The following IL1RAPL1 variants were observed in gnomAD, a reference collection of about 807,000 sequenced individuals.
IL1RAPL1 encodes interleukin 1 receptor accessory protein like 1.
IL1RAPL1 carries 3 observed loss-of-function variants against 48.4 expected under a neutral mutation model. That is an observed-to-expected ratio of 0.06 (90% CI 0.03 to 0.16). The LOEUF is 0.16. Among genes scored for constraint, IL1RAPL1 ranks in the 10% least tolerant of loss-of-function variants. The probability of loss-of-function intolerance (pLI) is 1.00; values close to 1 mark genes in which losing one functional copy is unlikely to be tolerated. For missense variants in IL1RAPL1, 349 were observed against 530.6 expected (o/e 0.66, Z 3.36); for synonymous variants, 185 against 187.7 (o/e 0.99, Z 0.12).
At chrX:29,284,601 C>T (rs1053129535) in intron 3 of IL1RAPL1, among the ~76,000 whole-genome samples, 1 of 111,164 alleles carries the variant, frequency 9.0e-6, no homozygotes, top group African/African-American at 3.3e-5. Context: ...AAAAATTAGC[C>T]GAGGATGGTG....
intron 3 of IL1RAPL1, among the ~76,000 whole-genome samples, chrX:29,381,501 A>T (rs1399748401): frequency 1.2e-5 from 1 of 80,374 alleles, no homozygotes; most frequent in African/African-American, 4.8e-5. Context: ...CAAAAAAAAA[A>T]AAAAAAAAAA....
chrX:29,038,973 T>G (rs971120696), intron 2 of IL1RAPL1, among the ~76,000 whole-genome samples: 2 of 111,766 alleles, frequency 1.8e-5, no homozygotes, highest in Admixed American at 1.9e-4. Context: ...CTTATTTATT[T>G]TTTTACTTAT....
intron 5 of IL1RAPL1, among the ~76,000 whole-genome samples, chrX:29,587,103 T>C (rs1602311805): frequency 1.8e-5 from 2 of 111,302 alleles, no homozygotes; most frequent in African/African-American, 6.5e-5. Flanking sequence ...ACAGGTCTTA[T>C]GCAAAGCTGG....
At chrX:29,410,200 C>T (rs1278762838) in intron 5 of IL1RAPL1, among the ~76,000 whole-genome samples, 8 of 110,043 alleles carry the variant, frequency 7.3e-5, no homozygotes, top group African/African-American at 1.7e-4. Context: ...CAGTGGCTCA[C>T]GTCTGTAATC....
At chrX:28,690,599 A>G (rs1935166589) in intron 1 of IL1RAPL1, among the ~76,000 whole-genome samples, 1 of 111,026 alleles carries the variant, frequency 9.0e-6, no homozygotes, top group Non-Finnish European at 1.9e-5. Context: ...GACCGTATAT[A>G]TACATATATC....
At chrX:29,657,827 T>G (rs1427576133) in intron 5 of IL1RAPL1, among the ~76,000 whole-genome samples, 1 of 107,911 alleles carries the variant, frequency 9.3e-6, no homozygotes, top group East Asian at 2.9e-4. Flanking sequence ...AGTGACTGTT[T>G]TTTTTTTTTT....
chrX:28,815,841 A>ATGTG (rs1331794644), intron 2 of IL1RAPL1, among the ~76,000 whole-genome samples: 200 of 21,071 alleles, frequency 9.5e-3, no homozygotes, highest in African/African-American at 0.043. Context: ...GTGTTTATGT[A>ATGTG]TATATATATA....
At chrX:28,721,502 T>C (rs191060131) in intron 1 of IL1RAPL1, among the ~76,000 whole-genome samples, 76 of 111,844 alleles carry the variant, frequency 6.8e-4, no homozygotes, top group African/African-American at 2.4e-3. Context: ...TAGCCCTTTG[T>C]CAGATGAGTA....
At chrX:28,702,458 C>T (rs888131140) in intron 1 of IL1RAPL1, among the ~76,000 whole-genome samples, 1 of 111,921 alleles carries the variant, frequency 8.9e-6, no homozygotes, top group African/African-American at 3.2e-5. Context: ...GCACTTTCAA[C>T]TTTAAGAATA....
At position 28,710,027 on chromosome X, in the gene IL1RAPL1, T is replaced by A. The variant is rs1304642192; in HGVS notation, c.-24-79293T>A. Among the ~76,000 whole-genome samples the A allele has an allele frequency of 4.5e-5, 5 of 111,740 alleles. 1 individual carries two copies. The Admixed American group carries it at 4.8e-4, about 11-fold the overall frequency. On this transcript the variant is annotated intron_variant, in intron 1 of 10. Transcript: ENST00000378993. ...ATCTATTTTTATAGACAGCGAGAGATGCTTGTAATTTATTGTACAGTGGAA... is the reference window on the plus strand; with the variant it reads ...ATCTATTTTTATAGACAGCGAGAGAAGCTTGTAATTTATTGTACAGTGGAA...
intron 6 of IL1RAPL1, among the ~76,000 whole-genome samples, chrX:29,786,221 C>T (rs1362627552): frequency 9.0e-6 from 1 of 111,149 alleles, no homozygotes; most frequent in African/African-American, 3.3e-5. Flanking sequence ...CCTCATCGAA[C>T]GTACACTTAC....
intron 5 of IL1RAPL1, among the ~76,000 whole-genome samples, chrX:29,568,638 T>G (rs1184598113): frequency 9.0e-6 from 1 of 111,324 alleles, no homozygotes; most frequent in African/African-American, 3.3e-5. Context: ...GTGGGCCTAT[T>G]TATTTTGAAT....
At chrX:29,608,137 C>G (rs755202234) in intron 5 of IL1RAPL1, among the ~76,000 whole-genome samples, 1 of 112,193 alleles carries the variant, frequency 8.9e-6, no homozygotes, top group South Asian at 3.7e-4. Flanking sequence ...GATGTCCCCT[C>G]TTTCCACATG....
intron 3 of IL1RAPL1, among the ~76,000 whole-genome samples, chrX:29,383,824 A>G (rs1237953819): frequency 1.8e-5 from 2 of 112,006 alleles, no homozygotes; most frequent in Non-Finnish European, 3.8e-5. Context: ...CCCTTCCCCA[A>G]AAACCTAACT....
chrX:28,609,743 G>C lies in IL1RAPL1; in HGVS notation c.-25+21696G>C, dbSNP rs757618006. Among the ~76,000 whole-genome samples the C allele has an allele frequency of 4.6e-5, 5 of 108,595 alleles. No individual in the cohort carries two copies. The South Asian group carries it at 2.0e-3, about 44-fold the overall frequency. 94.3% of individuals were successfully genotyped at this position (108,595 alleles called of 115,157 possible). ...TACTCATCCTCTAATACCCATCTCA[G>C]ATATATCTCTTGTTTTAACCCTTCC... is the stretch of plus-strand genomic sequence containing the variant. On this transcript the variant is annotated intron_variant, in intron 1 of 10. Transcript: ENST00000378993.
chrX:29,490,865 T>TATATACGTATATATATATATATATA (rs778859346), intron 5 of IL1RAPL1, among the ~76,000 whole-genome samples: 1 of 107,587 alleles, frequency 9.3e-6, no homozygotes, highest in African/African-American at 3.6e-5. Flanking sequence ...TATATATATA[T>TATATACGTATATATATATATATATA]TCTGAGTGTG....
chrX:29,171,497 TCTAA>T (rs989588349), intron 2 of IL1RAPL1, among the ~76,000 whole-genome samples: 6 of 111,668 alleles, frequency 5.4e-5, no homozygotes, highest in African/African-American at 2.0e-4. Context: ...TACCACAGCA[TCTAA>T]CTAATATAAA....
At chrX:29,498,063 T>A (rs776231865) in intron 5 of IL1RAPL1, among the ~76,000 whole-genome samples, 1 of 112,586 alleles carries the variant, frequency 8.9e-6, no homozygotes, top group South Asian at 3.7e-4. Flanking sequence ...GCAATAAGGT[T>A]GTCCTTGCCA....
intron 2 of IL1RAPL1, among the ~76,000 whole-genome samples, chrX:29,098,748 G>C (rs1928268902): frequency 8.9e-6 from 1 of 112,631 alleles, no homozygotes; most frequent in Non-Finnish European, 1.9e-5. Context: ...TAGTTATTTG[G>C]TATTTAATGA....
Sources: gnomAD v4.1 joint callset for allele counts (sites outside exome capture counted in the v4.1 genomes callset) on GRCh38, gnomAD v4.1.1 for gene constraint, MANE v1.5 for transcripts, NCBI Gene and HGNC (gene_info 2026-07-23, HGNC 2026-07-21) for gene names.